The following RAB11FIP1 variants were observed in gnomAD, a reference collection of about 807,000 sequenced individuals.
RAB11FIP1 encodes RAB11 family interacting protein 1.
Under a neutral mutation model 83.1 loss-of-function variants are expected in RAB11FIP1, and 49 were observed. The ratio of observed to expected loss-of-function variants is 0.59; its 90% CI spans 0.47 to 0.75. The LOEUF is 0.75. Ranked by LOEUF, RAB11FIP1 falls within the 30% of genes least tolerant of loss-of-function variation. RAB11FIP1 has a pLI of 0.00. For missense variants in RAB11FIP1, 1,536 were observed against 1,598.7 expected, an observed-to-expected ratio of 0.96 and a Z score of 0.67; for synonymous variants, 670 against 656.0, an observed-to-expected ratio of 1.02 and a Z score of -0.33.
At chr8:37,875,773 A>G (rs959347741) in intron 2 of RAB11FIP1, among the ~76,000 whole-genome samples, 1 of 152,182 alleles carries the variant, frequency 6.6e-6, no homozygotes, top group African/African-American at 2.4e-5. Flanking sequence ...TTAATGAAAT[A>G]TCAGAATTAC....
intron 1 of RAB11FIP1, chr8:37,877,869 G>A (rs543483032): frequency 2.1e-4 from 43 of 206,626 alleles, no homozygotes; most frequent in Non-Finnish European, 3.6e-4. Flanking sequence ...ACAGGAGCGC[G>A]TGACCATGTC....
At chr8:37,873,308 T>A in intron 3 of RAB11FIP1, 129 bp from the exon 4 acceptor site, 1 of 1,089,442 alleles carries the variant, frequency 9.2e-7, no homozygotes, top group Non-Finnish European at 1.3e-6. Flanking sequence ...CTTAAGAAGT[T>A]AAAAAAGGAA....
chr8:37,885,291 G>A (rs887905899), intron 1 of RAB11FIP1, among the ~76,000 whole-genome samples: 25 of 152,122 alleles, frequency 1.6e-4, no homozygotes, highest in African/African-American at 4.1e-4. Context: ...CAGAAGGCCC[G>A]GCCCCCAGCC....
At chr8:37,889,698 G>A (rs1291251009) in intron 1 of RAB11FIP1, among the ~76,000 whole-genome samples, 1 of 152,144 alleles carries the variant, frequency 6.6e-6, no homozygotes, top group Non-Finnish European at 1.5e-5. Flanking sequence ...CATACTTCTT[G>A]CCATGAGAGT....
chr8:37,894,240 A>G (rs2130196537), intron 1 of RAB11FIP1, among the ~76,000 whole-genome samples: 1 of 152,308 alleles, frequency 6.6e-6, no homozygotes, highest in South Asian at 2.1e-4. Context: ...ATAAAAACAA[A>G]CACCCATTGC....
In RAB11FIP1 at chr8:37,872,486, CG is replaced by C. The variant is rs747742118; in HGVS notation, c.2315del (p.Ala772GlyfsTer16). On this transcript the variant is annotated frameshift_variant, in exon 4 of 6. Coordinates refer to ENST00000330843, the MANE Select transcript of RAB11FIP1 (RefSeq NM_001002814.3). LOFTEE classifies it high-confidence loss of function. ...SKARDAAEEVAPPLPMGASVP... is the reference protein window; with the variant it reads ...SKARDAAEEVXPPLPMGASVP... ...CTGATGCTCCCATGGGAAGAGGGGG[CG>C]CCACTTCTTCAGCTGCATCCCTGGC... 6.2e-7 allele frequency: 1 copy of C among 1,614,106 alleles called. No individual in the cohort carries two copies. Among genetic ancestry groups the C allele is most frequent in the South Asian group, 1.1e-5 (1 of 91,080 alleles).
rs752864845 is a variant in RAB11FIP1, at chr8:37,870,488, C to G, written c.3565G>C (p.Val1189Leu). 1.8e-5 allele frequency: 29 copies of G among 1,608,276 alleles called. No individual in the cohort carries two copies. In the South Asian group the frequency reaches 3.2e-4, roughly 18 times the overall value. ...GCAGTTCCCAAGCTGCAGTTAGCAA[C>G]CTTGGTGGCCATTGCATTCATTGGC... ...VKPMNAMATK[V>L]ANCSLGTATI... The change falls in exon 5 of 6, where the codon GTT becomes CTT. Residue 1189 changes from valine (V) to leucine (L), a missense_variant. Coordinates refer to ENST00000330843, the MANE Select transcript of RAB11FIP1 (RefSeq NM_001002814.3).
At chr8:37,866,565 T>C (rs1806345450) in intron 5 of RAB11FIP1, among the ~76,000 whole-genome samples, 1 of 152,110 alleles carries the variant, frequency 6.6e-6, no homozygotes, top group African/African-American at 2.4e-5. Context: ...TTTTTGGATC[T>C]AGTTGGCTTT....
At chr8:37,885,079 C>T (rs1390034816) in intron 1 of RAB11FIP1, among the ~76,000 whole-genome samples, 2 of 151,544 alleles carry the variant, frequency 1.3e-5, no homozygotes, top group African/African-American at 4.9e-5. Flanking sequence ...ACTGCAACCT[C>T]TGCCTCCCAG....
In RAB11FIP1 at chr8:37,874,674, T is replaced by A. The variant is rs1416137429; in HGVS notation, c.1463A>T (p.Glu488Val). 6.2e-7 allele frequency: 1 copy of A among 1,614,120 alleles called. No homozygotes were observed. Among genetic ancestry groups the A allele is most frequent in the East Asian group, 2.2e-5 (1 of 44,896 alleles). ...GPAEDLVRRS[E>V]KDTAAVVSRQ... The stretch of plus-strand genomic sequence containing the variant: ...GGAGACAACAGCTGCAGTATCTTTC[T>A]CAGATCTTCTCACAAGGTCTTCAGC... The change falls in exon 3 of 6, where the codon GAG becomes GTG. Residue 488 changes from glutamate (E) to valine (V), a missense_variant. By Grantham distance (121) the Glu-to-Val change is moderately radical. Transcript: ENST00000330843.
At chr8:37,871,160 G>GT in intron 4 of RAB11FIP1, 118 bp downstream of exon 4, 1 of 1,372,510 alleles carries the variant, frequency 7.3e-7, no homozygotes, top group Non-Finnish European at 9.8e-7. Context: ...CAGCAGGACA[G>GT]TGACAGGTGG....
rs1806472578 is a variant in RAB11FIP1, at chr8:37,871,880, C to T, written c.2922G>A (p.Gln974=). ...EVASDDERID[Q]VEDDGDQVED... ...CAACCTGATCTCCGTCATCTTCAAC[C>T]TGATCTATTCTTTCATCATCCGATG... is the stretch of plus-strand genomic sequence containing the variant. The change falls in exon 4 of 6, where the codon CAG becomes CAA. Residue 974 remains glutamine, a synonymous_variant. Transcript: ENST00000330843. 9.9e-6 allele frequency: 16 copies of T among 1,614,102 alleles called. No individual in the cohort carries two copies. In the East Asian group the frequency reaches 3.3e-4, roughly 34 times the overall value.
chr8:37,873,086 G>C lies in RAB11FIP1; in HGVS notation c.1716C>G (p.Gly572=). The change falls in exon 4 of 6, where the codon GGC becomes GGG. Residue 572 remains glycine (G), a synonymous_variant. Transcript: ENST00000330843. The part of the protein sequence containing the change: ...SSLPPLPSSS[G]QASVPSELGH... ...CCAATTCAGAGGGGACAGATGCCTG[G>C]CCAGAGCTAGAAGGAAGAGGAGGAA... 1 of 1,614,040 alleles carries C rather than the reference G, an allele frequency of 6.2e-7. No homozygotes were observed. Among genetic ancestry groups the C allele is most frequent in the Non-Finnish European group, 8.5e-7 (1 of 1,180,006 alleles).
intron 1 of RAB11FIP1, among the ~76,000 whole-genome samples, chr8:37,889,345 T>C (rs1197424256): frequency 6.6e-6 from 1 of 152,096 alleles, no homozygotes; most frequent in African/African-American, 2.4e-5. Context: ...TTAGAAAAAT[T>C]AACTCATTTT....
chr8:37,879,581 C>T lies in RAB11FIP1; in HGVS notation c.372-2030G>A, dbSNP rs1479411105. ...ATTCTTAATGACATTGAACTGCACA[C>T]TTAAAAATGGTTAAAATGGGGCCAG... On this transcript the variant is annotated intron_variant, in intron 1 of 5. Transcript: ENST00000330843. Among the ~76,000 whole-genome samples the T allele has an allele frequency of 2.6e-5, 4 of 152,022 alleles. No individual in the cohort carries two copies. The South Asian group carries it at 6.2e-4, about 24-fold the overall frequency.
chr8:37,872,981 G>A lies in RAB11FIP1; in HGVS notation c.1821C>T (p.Ser607=), dbSNP rs1179049916. 4 of 1,614,148 alleles carry A rather than the reference G, an allele frequency of 2.5e-6. No individual in the cohort carries two copies. The highest frequency in any genetic ancestry group is 8.5e-7 in the Non-Finnish European group (1 of 1,180,024). The part of the protein sequence containing the change: ...SLSSPIAAPI[S]TSTPIESWPL... The stretch of plus-strand genomic sequence containing the variant: ...GCCAGCTTTCAATTGGAGTGGATGT[G>A]GAAATGGGAGCTGCTATGGGAGATG... The change falls in exon 4 of 6, where the codon TCC becomes TCT. Residue 607 remains serine, a synonymous_variant. Transcript: ENST00000330843.
Position 37,871,790 on chromosome 8 carries a change from T to A in RAB11FIP1, c.3012A>T (p.Val1004=). 1 of 1,614,108 alleles carries A rather than the reference T, an allele frequency of 6.2e-7. No individual in the cohort carries two copies. Among genetic ancestry groups the A allele is most frequent in the Non-Finnish European group, 8.5e-7 (1 of 1,179,994 alleles). Reference sequence around the variant, plus strand: ...CCTTTCCCCTCTCAGGACAGGGGACTACCAAGCCCAAGGACAAAGCTCCTA... The same window carrying A: ...CCTTTCCCCTCTCAGGACAGGGGACAACCAAGCCCAAGGACAAAGCTCCTA... The part of the protein sequence containing the change: ...LDIGALSLGL[V]VPCPERGKGP... Residue 1004 remains valine (V), a synonymous_variant, in exon 4 of 6, where the codon GTA becomes GTT. Coordinates refer to ENST00000330843, the MANE Select transcript of RAB11FIP1 (RefSeq NM_001002814.3).
Position 37,872,502 on chromosome 8 carries a change from G to A in RAB11FIP1, c.2300C>T (p.Ala767Val). The change falls in exon 4 of 6, where the codon GCA becomes GTA. Residue 767 changes from alanine (A) to valine (V), a missense_variant. Physicochemically the swap from Ala to Val is moderately conservative, Grantham distance 64. Transcript: ENST00000330843. ...AAGAGGGGGCGCCACTTCTTCAGCT[G>A]CATCCCTGGCTTTGCTCTCCACAAG... Reference protein sequence around the residue: ...GSLVESKARDAAEEVAPPLPM... With the variant: ...GSLVESKARDVAEEVAPPLPM... The A allele has an allele frequency of 6.2e-7, 1 of 1,614,110 alleles. No homozygotes were observed. Among genetic ancestry groups the A allele is most frequent in the East Asian group, 2.2e-5 (1 of 44,872 alleles).
chr8:37,874,059 C>T (rs889793667), intron 3 of RAB11FIP1, among the ~76,000 whole-genome samples: 9 of 152,258 alleles, frequency 5.9e-5, no homozygotes, highest in Non-Finnish European at 1.3e-4. Flanking sequence ...AAAGAACCGT[C>T]ACTGTCACTT....
Sources: allele counts gnomAD v4.1 joint callset (sites outside exome capture counted in the v4.1 genomes callset), GRCh38; gene constraint gnomAD v4.1.1; transcripts MANE v1.5; gene names NCBI Gene and HGNC (gene_info 2026-07-23, HGNC 2026-07-21).